Variants in ZNF37A observed in about 807,000 individuals in gnomAD.
The protein encoded by ZNF37A is zinc finger protein 37a (KOX 21).
Under a neutral mutation model 12.3 loss-of-function variants are expected in ZNF37A, and 10 were observed. That is an observed-to-expected ratio of 0.82 (90% CI 0.50 to 1.38). The LOEUF is 1.38. Ranked by LOEUF, ZNF37A falls within the 40% of genes most tolerant of loss-of-function variation. ZNF37A has a pLI of 0.00. For synonymous variants in ZNF37A, 207 were observed against 223.0 expected (o/e 0.93, Z 0.64); for missense variants, 580 against 651.2 (o/e 0.89, Z 1.19).
At chr10:38,099,680 T>C (rs898387693) in intron 5 of ZNF37A, among the ~76,000 whole-genome samples, 1 of 152,198 alleles carries the variant, frequency 6.6e-6, no homozygotes, top group Non-Finnish European at 1.5e-5. Flanking sequence ...TTTAATTTCT[T>C]GAGGAAACAC....
intron 5 of ZNF37A, among the ~76,000 whole-genome samples, chr10:38,106,166 T>C (rs542401059): frequency 3.8e-4 from 58 of 152,336 alleles, no homozygotes; most frequent in African/African-American, 1.3e-3. Context: ...CAGTCTTTGC[T>C]GTTTGGCAGC....
At chr10:38,109,142 A>T (rs1460069579) in intron 5 of ZNF37A, among the ~76,000 whole-genome samples, 2 of 152,212 alleles carry the variant, frequency 1.3e-5, no homozygotes, top group Non-Finnish European at 2.9e-5. Context: ...ACCATGCTCA[A>T]GTCAGCTTCA....
intron 5 of ZNF37A, among the ~76,000 whole-genome samples, chr10:38,108,385 C>T (rs555660496): frequency 6.6e-6 from 1 of 152,130 alleles, no homozygotes; most frequent in Non-Finnish European, 1.5e-5. Flanking sequence ...TAAATGCCCA[C>T]AACAGAAAGT....
chr10:38,111,912 A>AAC (rs1335726832), intron 5 of ZNF37A, among the ~76,000 whole-genome samples: 1 of 122,438 alleles, frequency 8.2e-6, no homozygotes, highest in East Asian at 2.7e-4. Context: ...TCTGCTGATG[A>AAC]TCTTTTTTTT....
chr10:38,115,456 C>A, intron 7 of ZNF37A, 166 bp downstream of exon 7: 1 of 839,378 alleles, frequency 1.2e-6, no homozygotes, highest in Non-Finnish European at 1.7e-6. Context: ...TCTGAATCAC[C>A]CAGCATCTCC....
intron 7 of ZNF37A, among the ~76,000 whole-genome samples, chr10:38,133,746 G>T (rs2136078084): frequency 6.6e-6 from 1 of 152,208 alleles, no homozygotes; most frequent in East Asian, 1.9e-4. Context: ...CCAAGTCTTT[G>T]CTATTGTGAA....
At position 38,122,820 on chromosome 10, in the gene ZNF37A, A is replaced by T. The variant is rs2069786043; in HGVS notation, c.*3983A>T. 1 of 152,222 alleles carries T rather than the reference A, an allele frequency of 6.6e-6. No individual in the cohort carries two copies. The highest frequency in any genetic ancestry group is 1.9e-4 in the East Asian group (1 of 5,198). 9.4% of individuals were successfully genotyped at this position (152,222 alleles called of 1,614,324 possible). ...CAGGCAACCAAAGCAAAAGTGGACA[A>T]ATGGGATCACATCAAGTTAAAAATC... On this transcript the variant is annotated 3_prime_UTR_variant, in exon 8 of 8. Coordinates refer to ENST00000685332, the MANE Select transcript of ZNF37A (RefSeq NM_001324250.3).
At chr10:38,100,455 G>C (rs561167195) in intron 5 of ZNF37A, among the ~76,000 whole-genome samples, 2 of 152,178 alleles carry the variant, frequency 1.3e-5, no homozygotes, top group Non-Finnish European at 2.9e-5. Context: ...ACCCAGGGGG[G>C]CTGTCTATAG....
intron 5 of ZNF37A, among the ~76,000 whole-genome samples, chr10:38,112,383 C>T (rs1192185057): frequency 6.6e-6 from 1 of 152,024 alleles, no homozygotes. Flanking sequence ...CCATGTATGC[C>T]TAGTGTTCCA....
intron 5 of ZNF37A, among the ~76,000 whole-genome samples, chr10:38,110,016 A>AAAGATAATTCT (rs2068498456): frequency 6.6e-6 from 1 of 152,242 alleles, no homozygotes; most frequent in African/African-American, 2.4e-5. Flanking sequence ...TGGAACCAAA[A>AAAGATAATTCT]AAGAGCCTGG....
chr10:38,104,062 C>T (rs555337435), intron 5 of ZNF37A, among the ~76,000 whole-genome samples: 4 of 152,212 alleles, frequency 2.6e-5, no homozygotes, highest in Non-Finnish European at 5.9e-5. Context: ...ATCTCAATTC[C>T]CTGCTTTATG....
intron 7 of ZNF37A, among the ~76,000 whole-genome samples, chr10:38,132,533 A>G (rs1431170805): frequency 6.6e-6 from 1 of 152,162 alleles, no homozygotes; most frequent in Non-Finnish European, 1.5e-5. Flanking sequence ...TTTTGCATCT[A>G]TAATTGTAAG....
At chr10:38,112,751 TTTTCTTTTCTTTTC>T (rs1564931982) in intron 5 of ZNF37A, among the ~76,000 whole-genome samples, 34 of 48,476 alleles carry the variant, frequency 7.0e-4, no homozygotes, top group African/African-American at 2.7e-3. Context: ...TTTTCTTTTC[TTTTCTTTTCTTTTC>T]TTTTCTTTTC....
At position 38,124,582 on chromosome 10, in the gene ZNF37A, A is replaced by G. The variant is rs1360011254; in HGVS notation, c.*5745A>G. The G allele has an allele frequency of 6.6e-6, 1 of 152,164 alleles. No individual in the cohort carries two copies. The highest frequency in any genetic ancestry group is 2.4e-5 in the African/African-American group (1 of 41,436). 9.4% of individuals were successfully genotyped at this position (152,164 alleles called of 1,614,324 possible). Reference sequence around the variant, plus strand: ...CCATAGATATATACACCTAGTATGTACCCACAAAAATTAAAAATAAAGTAA... The same window carrying G: ...CCATAGATATATACACCTAGTATGTGCCCACAAAAATTAAAAATAAAGTAA... On this transcript the variant is annotated 3_prime_UTR_variant, in exon 8 of 8. Transcript: ENST00000685332.
Position 38,121,165 on chromosome 10 carries a change from A to G in ZNF37A, c.*2328A>G, listed in dbSNP as rs755151651. On this transcript the variant is annotated 3_prime_UTR_variant, in exon 8 of 8. Coordinates refer to ENST00000685332, the MANE Select transcript of ZNF37A (RefSeq NM_001324250.3). ...GAAGAAAAAAGATGGAACTTTTCCA[A>G]TTCAGTTTTTGAGGCCAGTACAACC... The G allele has an allele frequency of 6.6e-6, 1 of 152,114 alleles. No individual in the cohort carries two copies. The highest frequency in any genetic ancestry group is 1.5e-5 in the Non-Finnish European group (1 of 68,016). The allele number at this position is 152,114 out of a possible 1,614,324, so 9.4% of individuals were successfully genotyped here. A position where few individuals can be genotyped will look rare whatever the true frequency, so the allele number is the denominator to read the frequency against.
chr10:38,096,987 G>T (rs138302209), intron 5 of ZNF37A, among the ~76,000 whole-genome samples: 1 of 152,306 alleles, frequency 6.6e-6, no homozygotes, highest in East Asian at 1.9e-4. Context: ...AGACTGTAAT[G>T]GCCCACAAGC....
At chr10:38,131,757 A>G (rs77060988) in intron 7 of ZNF37A, among the ~76,000 whole-genome samples, 6,501 of 152,250 alleles carry the variant, frequency 0.043, 195 homozygotes, top group Non-Finnish European at 0.061. Flanking sequence ...AAGTCTTCCT[A>G]TACACAAACA....
chr10:38,096,074 G>C (rs1012827984), intron 4 of ZNF37A, among the ~76,000 whole-genome samples: 1 of 151,876 alleles, frequency 6.6e-6, no homozygotes, highest in South Asian at 2.1e-4. Context: ...TAGTCCCAGC[G>C]ACTTGGGAGG....
chr10:38,129,319 A>AAAAAAAAAAAAAAAAAAAAAAAAAAAAAC, downstream of ZNF37A, among the ~76,000 whole-genome samples: 114 of 116,232 alleles, frequency 9.8e-4, 8 homozygotes, highest in African/African-American at 2.7e-3. Flanking sequence ...AAAAAAAAAA[A>AAAAAAAAAAAAAAAAAAAAAAAAAAAAAC]AAACTATTAT....
Sources: allele counts gnomAD v4.1 joint callset (sites outside exome capture counted in the v4.1 genomes callset), GRCh38; gene constraint gnomAD v4.1.1; transcripts MANE v1.5; gene names NCBI Gene and HGNC (gene_info 2026-07-23, HGNC 2026-07-21).